The following PPP2R1B variants were observed in gnomAD, a reference collection of about 807,000 sequenced individuals.
The protein encoded by PPP2R1B is protein phosphatase 2 scaffold subunit Abeta, also known as serine/threonine-protein phosphatase 2A 65 kDa regulatory subunit A beta isoform.
PPP2R1B carries 58 observed loss-of-function variants against 72.7 expected under a neutral mutation model. That is an observed-to-expected ratio of 0.80 (90% confidence interval 0.65 to 0.99). The LOEUF is 0.99. Ranked by LOEUF, PPP2R1B falls within the 50% of genes least tolerant of loss-of-function variation. The pLI is 0.00. For missense variants in PPP2R1B, 695 were observed against 733.6 expected (o/e 0.95, Z 0.61); for synonymous variants, 256 against 264.6 (o/e 0.97, Z 0.32).
the PPP2R1B span, among the ~76,000 whole-genome samples, chr11:111,703,962 C>G: frequency 6.6e-6 from 1 of 152,210 alleles, no homozygotes; most frequent in African/African-American, 2.4e-5. Context: ...TTTCTGTCCT[C>G]GAATAGTTAG....
At chr11:111,731,373 AC>A (rs1219160092) in intron 15 of PPP2R1B, among the ~76,000 whole-genome samples, 3 of 152,320 alleles carry the variant, frequency 2.0e-5, no homozygotes, top group African/African-American at 7.2e-5. Flanking sequence ...AGGCCTCGAC[AC>A]TGCACGTGCG....
the PPP2R1B span, chr11:111,705,248 T>G: frequency 4.2e-6 from 5 of 1,203,416 alleles, no homozygotes; most frequent in Non-Finnish European, 5.4e-6. This position sits in a 1 kb window ranked among gnomAD's most constrained non-coding sequence, Gnocchi z 4.3. Flanking sequence ...ACACTCCGTT[T>G]TTCTGTAAAA....
chr11:111,712,535 C>T, the PPP2R1B span, among the ~76,000 whole-genome samples: 358 of 152,298 alleles, frequency 2.4e-3, 1 homozygote, highest in Non-Finnish European at 4.1e-3. Context: ...TGTCCAGGCT[C>T]AACTCTTGTC....
intron 10 of PPP2R1B, among the ~76,000 whole-genome samples, chr11:111,750,853 T>G (rs1194906800): frequency 5.9e-5 from 9 of 151,886 alleles, no homozygotes; most frequent in African/African-American, 1.9e-4. Flanking sequence ...GTTTTTTTTT[T>G]TTTGACACAA....
At chr11:111,733,678 C>T (rs538989666), downstream of PPP2R1B, among the ~76,000 whole-genome samples, 84 of 152,292 alleles carry the variant, frequency 5.5e-4, 1 homozygote, top group Middle Eastern at 3.4e-3. Flanking sequence ...CCTCCAAGCA[C>T]GCCACACATA....
At chr11:111,749,816 A>G (rs1944836905) in intron 10 of PPP2R1B, among the ~76,000 whole-genome samples, 1 of 152,200 alleles carries the variant, frequency 6.6e-6, no homozygotes, top group African/African-American at 2.4e-5. Flanking sequence ...TCAGCCAAAG[A>G]CACCATCTGC....
At chr11:111,764,284 T>C (rs1555052298) in intron 3 of PPP2R1B, among the ~76,000 whole-genome samples, 2 of 151,858 alleles carry the variant, frequency 1.3e-5, no homozygotes. Flanking sequence ...TGGGCTCAAG[T>C]GATCCTCCAG....
rs1025455597 is a variant in PPP2R1B, at chr11:111,740,747, C to T, written c.*849G>A. ...GCTGGAAGCAGAGCCAGGTAAAGAA[C>T]AGGAAATCTGCACAGTATTATCCCT... On this transcript the variant is annotated 3_prime_UTR_variant, in exon 15 of 15. Coordinates refer to ENST00000527614, the MANE Select transcript of PPP2R1B (RefSeq NM_002716.5). 2.0e-6 allele frequency: 2 copies of T among 985,330 alleles called. No homozygotes were observed. The highest frequency in any genetic ancestry group is 6.2e-5 in the Admixed American group (1 of 16,256). 61.0% of individuals were successfully genotyped at this position (985,330 alleles called of 1,614,324 possible).
downstream of PPP2R1B, chr11:111,724,666 T>A (rs943241967): frequency 6.4e-6 from 1 of 156,782 alleles, no homozygotes; most frequent in Admixed American, 6.1e-5. Flanking sequence ...TAGCTGCTGA[T>A]GCAAGTTGTC....
At chr11:111,737,787 C>T, downstream of PPP2R1B, 1 of 1,315,116 alleles carries the variant, frequency 7.6e-7, no homozygotes, top group South Asian at 1.6e-5. Flanking sequence ...AGCGCCACCC[C>T]ATCGGGCCTT....
At chr11:111,720,172 A>C in the PPP2R1B span, among the ~76,000 whole-genome samples, 1 of 152,216 alleles carries the variant, frequency 6.6e-6, no homozygotes, top group Non-Finnish European at 1.5e-5. Context: ...GCAGCTATCA[A>C]AGGTGAATTG....
the PPP2R1B span, chr11:111,718,715 T>C: frequency 1.3e-5 from 2 of 152,198 alleles, no homozygotes; most frequent in African/African-American, 2.4e-5. Context: ...TACATGAGCT[T>C]CTCCTGCTTC....
At chr11:111,731,202 G>C (rs1433281495) in intron 15 of PPP2R1B, among the ~76,000 whole-genome samples, 1 of 152,242 alleles carries the variant, frequency 6.6e-6, no homozygotes, top group Non-Finnish European at 1.5e-5. Flanking sequence ...CTGGGCAAGG[G>C]CCTCATGCCG....
chr11:111,727,298 G>C, intron 15 of PPP2R1B: 1 of 544,540 alleles, frequency 1.8e-6, no homozygotes, highest in South Asian at 2.7e-5. Context: ...GCCCATCTGA[G>C]CAAACCCCTT....
At chr11:111,720,374 A>G in the PPP2R1B span, 1 of 1,185,296 alleles carries the variant, frequency 8.4e-7, no homozygotes, top group Middle Eastern at 2.0e-4. Context: ...ATTGGAAATT[A>G]AGGACATGGT....
chr11:111,712,087 T>A, the PPP2R1B span: 1 of 1,035,542 alleles, frequency 9.7e-7, no homozygotes, highest in Non-Finnish European at 1.4e-6. Context: ...CTTTCTGGAG[T>A]TTCCAATAAA....
chr11:111,736,854 C>T (rs1944355056), downstream of PPP2R1B, among the ~76,000 whole-genome samples: 1 of 152,162 alleles, frequency 6.6e-6, no homozygotes, highest in Admixed American at 6.5e-5. Flanking sequence ...GCAGCCAAGC[C>T]CTGCTGCTCT....
At chr11:111,765,842 G>C (rs1436664328) in intron 1 of PPP2R1B, 1 of 477,842 alleles carries the variant, frequency 2.1e-6, no homozygotes, top group South Asian at 1.5e-5. Context: ...GGGATCCAGG[G>C]GCACTTCAAA....
At chr11:111,766,062 T>G in intron 1 of PPP2R1B, 186 bp downstream of exon 1, 1 of 627,430 alleles carries the variant, frequency 1.6e-6, no homozygotes, top group East Asian at 2.8e-5. Flanking sequence ...ACTAGAGAGG[T>G]ACCCGGGAGG....
Sources: gnomAD v4.1 joint callset for allele counts (sites outside exome capture counted in the v4.1 genomes callset) on GRCh38, gnomAD v4.1.1 for gene constraint, Gnocchi (gnomAD v3.1) non-coding constraint, MANE v1.5 for transcripts, NCBI Gene and HGNC (gene_info 2026-07-23, HGNC 2026-07-21) for gene names.